Variants in CPAMD8 observed in about 807,000 individuals in gnomAD.
CPAMD8 encodes C3 and PZP-like alpha-2-macroglobulin domain-containing protein 8.
Under a neutral mutation model 224.7 loss-of-function variants are expected in CPAMD8, and 146 were observed. That is an observed-to-expected ratio of 0.65 (90% CI 0.57 to 0.75). CPAMD8 has a LOEUF of 0.75. Ranked by LOEUF, CPAMD8 falls within the 30% of genes least tolerant of loss-of-function variation. CPAMD8 has a pLI of 0.00. For synonymous variants in CPAMD8, 966 were observed against 1,044.6 expected (o/e 0.92, Z 1.45); for missense variants, 2,301 against 2,537.5 (o/e 0.91, Z 2.00).
At chr19:17,004,732 T>C (rs913515423) in intron 7 of CPAMD8, among the ~76,000 whole-genome samples, 7 of 151,900 alleles carry the variant, frequency 4.6e-5, no homozygotes, top group African/African-American at 1.7e-4. Flanking sequence ...ACCCGAGTCA[T>C]TTCCAGCCTG....
chr19:17,001,712 C>T (rs1011285173), intron 9 of CPAMD8, among the ~76,000 whole-genome samples: 1 of 150,330 alleles, frequency 6.7e-6, no homozygotes, highest in Admixed American at 6.6e-5. Flanking sequence ...ACAGGGCACC[C>T]TTGTGGGAGC....
Position 16,918,898 on chromosome 19 carries a change from G to A in CPAMD8, c.3629+3007C>T, listed in dbSNP as rs1025911555. Among the ~76,000 whole-genome samples the A allele has an allele frequency of 3.9e-5, 6 of 152,174 alleles. No individual in the cohort carries two copies. The South Asian group carries it at 1.2e-3, about 32-fold the overall frequency. On this transcript the variant is annotated intron_variant, in intron 27 of 41. Transcript: ENST00000443236. ...AATGAACATTTCCCTTGAGCATGAG[G>A]TTGGCACTAAAAGCATCTTGGAGCC...
chr19:16,979,692 C>A (rs971510769), intron 14 of CPAMD8, among the ~76,000 whole-genome samples: 1 of 152,164 alleles, frequency 6.6e-6, no homozygotes, highest in Non-Finnish European at 1.5e-5. Context: ...GGGCTATTGG[C>A]ATCTATGGGG....
Position 16,927,210 on chromosome 19 carries a change from T to G in CPAMD8, c.3370+799A>C, listed in dbSNP as rs891807204. Among the ~76,000 whole-genome samples the G allele has an allele frequency of 2.9e-4, 44 of 152,028 alleles. 2 individuals carry two copies. The highest frequency in any genetic ancestry group is 1.5e-5 in the Non-Finnish European group (1 of 67,998). On this transcript the variant is annotated intron_variant, in intron 25 of 41. Coordinates refer to ENST00000443236, the MANE Select transcript of CPAMD8 (RefSeq NM_015692.5). Reference sequence around the variant, plus strand: ...CCCACATGTTGTGGGAAGGACTCGGTGGGAGATAACTGAATTATGGGGGCG... The same window carrying G: ...CCCACATGTTGTGGGAAGGACTCGGGGGGAGATAACTGAATTATGGGGGCG...
In CPAMD8 at chr19:16,925,312, C is replaced by T. The variant is rs919892125; in HGVS notation, c.3431G>A (p.Cys1144Tyr). Residue 1144 changes from cysteine to tyrosine, a missense_variant, in exon 26 of 42, where the codon TGT (cysteine) becomes TAT (tyrosine). Physicochemically the swap from Cys to Tyr is radical, Grantham distance 194. Transcript: ENST00000443236. ...LNNLLRLPFG[C>Y]GEQNMIHFAP... ...AAAGTGGATCATGTTCTGCTCTCCA[C>T]AGCCAAACGGCAGCCGCAGGAGGTT... 1.2e-6 allele frequency: 2 copies of T among 1,614,126 alleles called. No individual in the cohort carries two copies. Among genetic ancestry groups the T allele is most frequent in the African/African-American group, 1.3e-5 (1 of 74,944 alleles).
At chr19:16,978,228 T>C (rs1212399818) in intron 14 of CPAMD8, among the ~76,000 whole-genome samples, 2 of 151,958 alleles carry the variant, frequency 1.3e-5, no homozygotes, top group Non-Finnish European at 2.9e-5. Context: ...AGGAAGTGGG[T>C]ACCCAATCGG....
Position 16,976,047 on chromosome 19 carries a change from C to G in CPAMD8, c.1863G>C (p.Lys621Asn), listed in dbSNP as rs866889750. ...GSCVCVAAVD[K>N]SVYLLRSGFR... ...ACCCAGACCTGAGCAGGTAGACACT[C>G]TTATCAACTGCGGCGACGCACACAC... is the stretch of plus-strand genomic sequence containing the variant. Residue 621 changes from lysine (K) to asparagine (N), a missense_variant, in exon 16 of 42, where the codon AAG (lysine) becomes AAC (asparagine). By Grantham distance (94) the Lys-to-Asn change is moderately conservative (BLOSUM62 0). This residue lies in a region of CPAMD8 where 1,709 missense variants were observed against 1,753.2 expected (regional missense o/e 0.97). Transcript: ENST00000443236. 3.7e-6 allele frequency: 6 copies of G among 1,611,016 alleles called. No homozygotes were observed. The highest frequency in any genetic ancestry group is 4.2e-6 in the Non-Finnish European group (5 of 1,178,702).
rs116953114 is a variant in CPAMD8 at position 16,947,861 on chromosome 19, G to A, written c.2509-634C>T. Among the ~76,000 whole-genome samples, 1,093 of 152,294 alleles carry A rather than the reference G, an allele frequency of 7.2e-3. 6 individuals carry two copies. Among genetic ancestry groups the A allele is most frequent in the Non-Finnish European group, 0.011 (751 of 68,018 alleles). On this transcript the variant is annotated intron_variant, in intron 20 of 41. Coordinates refer to ENST00000443236, the MANE Select transcript of CPAMD8 (RefSeq NM_015692.5). ...TGTGTGTATGGGCATGCTAGTTTCT[G>A]CATGCATGTGTGTGCCTATATGGGT...
At chr19:17,009,405 CG>C in intron 5 of CPAMD8, 85 bp from the exon 6 acceptor site, 1 of 1,606,662 alleles carries the variant, frequency 6.2e-7, no homozygotes, top group Non-Finnish European at 8.5e-7. Flanking sequence ...CCTCGGTCCC[CG>C]GGACAGGCAG....
intron 18 of CPAMD8, among the ~76,000 whole-genome samples, chr19:16,959,619 C>T (rs1268316334): frequency 6.6e-6 from 1 of 151,838 alleles, no homozygotes; most frequent in African/African-American, 2.4e-5. Flanking sequence ...CGGTTCACTG[C>T]AGCCTCCGCC....
In CPAMD8 at chr19:16,951,953, T is replaced by A; in HGVS notation, c.2508+16A>T. ...CACTGAATGGAGGAAGGCTATGTATTTGGGGGGCTGAGTACCTCAGCGCAG... is the reference window on the plus strand; with the variant it reads ...CACTGAATGGAGGAAGGCTATGTATATGGGGGGCTGAGTACCTCAGCGCAG... On this transcript the variant is annotated intron_variant, in intron 20 of 41. Transcript: ENST00000443236. 7.5e-6 allele frequency: 11 copies of A among 1,476,392 alleles called. No individual in the cohort carries two copies. Among genetic ancestry groups the A allele is most frequent in the Non-Finnish European group, 1.0e-5 (11 of 1,077,678 alleles). 91.5% of individuals were successfully genotyped at this position (1,476,392 alleles called of 1,614,324 possible). A position where few individuals can be genotyped will look rare whatever the true frequency, so the allele number is the denominator to read the frequency against.
Position 16,896,552 on chromosome 19 carries a change from C to G in CPAMD8, c.5179G>C (p.Asp1727His), listed in dbSNP as rs10418195. 3 of 1,501,920 alleles carry G rather than the reference C, an allele frequency of 2.0e-6. No homozygotes were observed. Among genetic ancestry groups the G allele is most frequent in the Non-Finnish European group, 2.6e-6 (3 of 1,132,392 alleles). 93.0% of individuals were successfully genotyped at this position (1,501,920 alleles called of 1,614,324 possible). ...GAQGNPVCGS[D>H]GVVYASACRL... ...CAGGCGCTGGCGTAGACCACCCCGT[C>G]GGAGCCGCACACCGGGTTCCCCTGG... Residue 1727 changes from aspartate to histidine, a missense_variant, in exon 40 of 42, where the codon GAC (aspartate) becomes CAC (histidine). Physicochemically the swap from Asp to His is moderately conservative, Grantham distance 81 (BLOSUM62 -1). Around this residue, in one of 4 missense-constraint regions of CPAMD8, gnomAD observed 1,709 missense variants for 1,753.2 expected, o/e 0.97. Transcript: ENST00000443236.
intron 18 of CPAMD8, among the ~76,000 whole-genome samples, chr19:16,967,540 C>T (rs2054869719): frequency 6.6e-6 from 1 of 152,068 alleles, no homozygotes; most frequent in Non-Finnish European, 1.5e-5. Flanking sequence ...GGTGCAGTGG[C>T]TCATGCCTGT....
intron 18 of CPAMD8, among the ~76,000 whole-genome samples, chr19:16,958,131 A>C (rs1276070514): frequency 6.6e-6 from 1 of 152,160 alleles, no homozygotes; most frequent in Non-Finnish European, 1.5e-5. Context: ...TTTTTTTAAA[A>C]ACTTTATTTT....
chr19:17,009,666 C>T (rs1281554973), intron 5 of CPAMD8, among the ~76,000 whole-genome samples: 2 of 151,584 alleles, frequency 1.3e-5, no homozygotes, highest in Non-Finnish European at 1.5e-5. Context: ...CCCAGCTACT[C>T]GGGAGGCTGA....
At chr19:17,003,751 C>T (rs1347145419) in intron 8 of CPAMD8, among the ~76,000 whole-genome samples, 3 of 148,766 alleles carry the variant, frequency 2.0e-5, no homozygotes, top group Non-Finnish European at 4.5e-5. Flanking sequence ...GCACTCCAGC[C>T]TGGGTGATGG....
At chr19:16,997,072 G>T in intron 11 of CPAMD8, 39 bp downstream of exon 11, 2 of 1,319,886 alleles carry the variant, frequency 1.5e-6, no homozygotes, top group Non-Finnish European at 2.2e-6. Flanking sequence ...TTTCACGGTG[G>T]TCCTTGGGCG....
chr19:16,905,983 C>T (rs1413730677), intron 30 of CPAMD8, among the ~76,000 whole-genome samples: 4 of 151,930 alleles, frequency 2.6e-5, no homozygotes, highest in Non-Finnish European at 2.9e-5. Context: ...GAGACCCAAC[C>T]CTCCCCTGTC....
chr19:16,905,947 C>T (rs995333885), intron 30 of CPAMD8, among the ~76,000 whole-genome samples: 2 of 152,102 alleles, frequency 1.3e-5, no homozygotes, highest in African/African-American at 4.8e-5. Context: ...AGGGCTCACT[C>T]AGCAAGTGGA....
Sources: gnomAD v4.1 joint callset for allele counts (sites outside exome capture counted in the v4.1 genomes callset) on GRCh38, gnomAD v4.1.1 for gene constraint, gnomAD v4.1.1 regional missense constraint, MANE v1.5 for transcripts, NCBI Gene and HGNC (gene_info 2026-07-23, HGNC 2026-07-21) for gene names.